Variants in MACROD2 observed in about 807,000 individuals in gnomAD.
The protein encoded by MACROD2 is ADP-ribose glycohydrolase MACROD2.
MACROD2 carries 36 observed loss-of-function variants against 70.4 expected under a neutral mutation model. That is an observed-to-expected ratio of 0.51 (90% CI 0.39 to 0.68). The LOEUF (loss-of-function observed/expected upper bound fraction) is 0.68, where lower values mean the gene tolerates loss of function less well. Among genes scored for constraint, MACROD2 ranks in the 30% least tolerant of loss-of-function variants. The pLI is 0.00. For missense variants in MACROD2, 496 were observed against 538.4 expected (o/e 0.92, Z 0.78); for synonymous variants, 172 against 178.8 (o/e 0.96, Z 0.30).
intron 5 of MACROD2, among the ~76,000 whole-genome samples, chr20:14,821,530 C>T (rs1161443046): frequency 6.6e-6 from 1 of 152,040 alleles, no homozygotes; most frequent in Non-Finnish European, 1.5e-5. Flanking sequence ...TTTCAATGTG[C>T]AGTCAAGGCT....
At chr20:15,359,036 A>T (rs373520967) in intron 6 of MACROD2, among the ~76,000 whole-genome samples, 1 of 152,262 alleles carries the variant, frequency 6.6e-6, no homozygotes, top group Non-Finnish European at 1.5e-5. Flanking sequence ...ATATGAAATA[A>T]TTTTATGTTA....
At chr20:15,567,785 G>A (rs1306778421) in intron 8 of MACROD2, among the ~76,000 whole-genome samples, 1 of 152,176 alleles carries the variant, frequency 6.6e-6, no homozygotes, top group African/African-American at 2.4e-5. Flanking sequence ...GGAAAACTTG[G>A]CCTGCTTAAA....
intron 5 of MACROD2, among the ~76,000 whole-genome samples, chr20:15,139,012 A>T (rs2076171838): frequency 6.6e-6 from 1 of 152,126 alleles, no homozygotes; most frequent in Non-Finnish European, 1.5e-5. Flanking sequence ...CCGTAAAAGC[A>T]CCCCTAAAGC....
chr20:14,206,523 A>G (rs1350829096), intron 3 of MACROD2, among the ~76,000 whole-genome samples: 1 of 152,214 alleles, frequency 6.6e-6, no homozygotes, highest in Non-Finnish European at 1.5e-5. Flanking sequence ...TGCTTTTGCC[A>G]TCTTACCTAT....
intron 4 of MACROD2, among the ~76,000 whole-genome samples, chr20:14,528,079 A>C (rs1304736544): frequency 1.3e-5 from 2 of 151,888 alleles, no homozygotes; most frequent in East Asian, 3.9e-4. Context: ...TATAAGATAA[A>C]ATCTGACCTT....
At chr20:15,047,012 A>G (rs2075399831) in intron 5 of MACROD2, among the ~76,000 whole-genome samples, 1 of 152,086 alleles carries the variant, frequency 6.6e-6, no homozygotes, top group African/African-American at 2.4e-5. Flanking sequence ...TTGATAACTC[A>G]CTGCATTCAT....
intron 5 of MACROD2, among the ~76,000 whole-genome samples, chr20:14,904,636 T>C (rs904389323): frequency 1.3e-5 from 2 of 152,204 alleles, no homozygotes; most frequent in Non-Finnish European, 2.9e-5. Flanking sequence ...TTTCAGATTT[T>C]AGTAATGCTA....
intron 5 of MACROD2, among the ~76,000 whole-genome samples, chr20:14,702,345 C>A (rs1050874535): frequency 6.6e-6 from 1 of 151,430 alleles, no homozygotes; most frequent in Non-Finnish European, 1.5e-5. Flanking sequence ...TCCTTCCCCT[C>A]TTTCCATTCC....
chr20:14,347,512 C>A (rs999195517), intron 3 of MACROD2, among the ~76,000 whole-genome samples: 1 of 152,014 alleles, frequency 6.6e-6, no homozygotes, highest in Non-Finnish European at 1.5e-5. Context: ...TCTGATTGTA[C>A]AGGATGGTAA....
At chr20:14,065,298 A>G (rs1457899692) in intron 2 of MACROD2, among the ~76,000 whole-genome samples, 1 of 152,138 alleles carries the variant, frequency 6.6e-6, no homozygotes, top group Non-Finnish European at 1.5e-5. Context: ...TCTCTCTCGC[A>G]ATTTCTTTGA....
At chr20:15,293,352 C>T (rs1480068638) in intron 6 of MACROD2, among the ~76,000 whole-genome samples, 7 of 152,114 alleles carry the variant, frequency 4.6e-5, no homozygotes, top group East Asian at 1.9e-4. Context: ...TAGAATATTG[C>T]GTTATTCATA....
chr20:15,931,693 C>G (rs184374169), intron 10 of MACROD2, among the ~76,000 whole-genome samples: 3 of 152,104 alleles, frequency 2.0e-5, no homozygotes, highest in Non-Finnish European at 4.4e-5. Context: ...ACAAACGGCA[C>G]AGGGCTAACC....
At chr20:14,486,374 A>G (rs906013611) in intron 3 of MACROD2, among the ~76,000 whole-genome samples, 1 of 152,066 alleles carries the variant, frequency 6.6e-6, no homozygotes, top group Non-Finnish European at 1.5e-5. Flanking sequence ...CACTGACTGA[A>G]CCCAACTAGA....
chr20:14,954,922 T>C (rs2074515031), intron 5 of MACROD2, among the ~76,000 whole-genome samples: 1 of 107,080 alleles, frequency 9.3e-6, no homozygotes, highest in South Asian at 3.2e-4. Context: ...TATAATTAAA[T>C]ATATTATATA....
intron 3 of MACROD2, among the ~76,000 whole-genome samples, chr20:14,157,485 A>C (rs946254212): frequency 6.6e-6 from 1 of 152,130 alleles, no homozygotes; most frequent in African/African-American, 2.4e-5. Flanking sequence ...TTTGAAAATT[A>C]GAACTTGTAC....
At chr20:16,009,902 G>A (rs2066840093) in intron 15 of MACROD2, among the ~76,000 whole-genome samples, 1 of 152,090 alleles carries the variant, frequency 6.6e-6, no homozygotes, top group African/African-American at 2.4e-5. Flanking sequence ...GAGAAGCAGT[G>A]GACTAAGGAA....
intron 5 of MACROD2, among the ~76,000 whole-genome samples, chr20:14,874,511 A>T (rs945690606): frequency 5.9e-5 from 9 of 151,454 alleles, no homozygotes; most frequent in African/African-American, 2.2e-4. Flanking sequence ...TGAACATTTT[A>T]TTTATATTAG....
intron 6 of MACROD2, among the ~76,000 whole-genome samples, chr20:15,290,002 T>C (rs2077527377): frequency 6.6e-6 from 1 of 152,182 alleles, no homozygotes; most frequent in African/African-American, 2.4e-5. Flanking sequence ...GGCAATAACA[T>C]TCCCTGAGCC....
intron 8 of MACROD2, among the ~76,000 whole-genome samples, chr20:15,671,570 T>C (rs1300655767): frequency 6.6e-6 from 1 of 152,166 alleles, no homozygotes; most frequent in Non-Finnish European, 1.5e-5. Context: ...TGGAAAAAAG[T>C]TTGAAAATAC....
Sources: allele counts gnomAD v4.1 joint callset (sites outside exome capture counted in the v4.1 genomes callset), GRCh38; gene constraint gnomAD v4.1.1; transcripts MANE v1.5; gene names NCBI Gene and HGNC (gene_info 2026-07-23, HGNC 2026-07-21).